The following CNTNAP5 variants were observed in gnomAD, a reference collection of about 807,000 sequenced individuals.
CNTNAP5 encodes the protein contactin associated protein family member 5.
Under a neutral mutation model 150.2 loss-of-function variants are expected in CNTNAP5, and 72 were observed. The ratio of observed to expected loss-of-function variants is 0.48; its 90% CI spans 0.40 to 0.58. The LOEUF (loss-of-function observed/expected upper bound fraction) is 0.58. Ranked by LOEUF, CNTNAP5 falls within the 20% of genes least tolerant of loss-of-function variation. CNTNAP5 has a pLI of 0.00. For synonymous variants in CNTNAP5, 672 were observed against 619.8 expected, an observed-to-expected ratio of 1.08 and a Z score of -1.25; for missense variants, 1,636 against 1,626.2, an observed-to-expected ratio of 1.01 and a Z score of -0.10.
chr2:124,449,451 T>C (rs1257682165), intron 6 of CNTNAP5, among the ~76,000 whole-genome samples: 1 of 152,182 alleles, frequency 6.6e-6, no homozygotes, highest in African/African-American at 2.4e-5. Context: ...CCCTTTAATG[T>C]CCCAGAAGAT....
chr2:124,060,417 C>T (rs554869861), intron 1 of CNTNAP5, among the ~76,000 whole-genome samples: 1 of 152,200 alleles, frequency 6.6e-6, no homozygotes, highest in Non-Finnish European at 1.5e-5. Context: ...TGCTCATGGG[C>T]AGCTCCTCTG....
At chr2:124,113,575 A>G (rs536725078) in intron 1 of CNTNAP5, among the ~76,000 whole-genome samples, 7 of 149,892 alleles carry the variant, frequency 4.7e-5, no homozygotes, top group Admixed American at 4.0e-4. Flanking sequence ...CCTGGATTGG[A>G]GCCCTAGTTC....
intron 3 of CNTNAP5, among the ~76,000 whole-genome samples, chr2:124,371,510 C>T (rs533027169): frequency 6.6e-6 from 1 of 152,190 alleles, no homozygotes; most frequent in South Asian, 2.1e-4. Context: ...TTAAATATCT[C>T]AAAAGAAACA....
chr2:124,917,402 T>A lies in CNTNAP5; in HGVS notation c.*3114T>A, dbSNP rs989281373. ...AATATATTTATCCTACTGCATCATT[T>A]ATTGCATATATAGCCTCAATTGCCA... On this transcript the variant is annotated 3_prime_UTR_variant, in exon 24 of 24. Coordinates refer to ENST00000682447, the MANE Select transcript of CNTNAP5 (RefSeq NM_001367498.1). Among the ~76,000 whole-genome samples, 1 of 152,150 alleles carries A rather than the reference T, an allele frequency of 6.6e-6. No individual in the cohort carries two copies. The highest frequency in any genetic ancestry group is 2.4e-5 in the African/African-American group (1 of 41,454).
At chr2:124,115,568 C>T (rs1573764402) in intron 1 of CNTNAP5, among the ~76,000 whole-genome samples, 1 of 151,646 alleles carries the variant, frequency 6.6e-6, no homozygotes, top group African/African-American at 2.4e-5. Context: ...TCAGATAGAC[C>T]TGGGTGTAAC....
chr2:124,476,908 C>T (rs920869812), intron 7 of CNTNAP5, among the ~76,000 whole-genome samples: 4 of 152,168 alleles, frequency 2.6e-5, no homozygotes, highest in Admixed American at 2.6e-4. Flanking sequence ...TTATCTGCAC[C>T]AGTTGGTCTC....
intron 8 of CNTNAP5, among the ~76,000 whole-genome samples, chr2:124,505,509 T>G (rs1205202084): frequency 6.6e-6 from 1 of 152,156 alleles, no homozygotes; most frequent in African/African-American, 2.4e-5. Context: ...CTAGTACATA[T>G]GACACCAGGG....
At position 124,763,528 on chromosome 2, in the gene CNTNAP5, C is replaced by T; in HGVS notation, c.2235-144C>T. On this transcript the variant is annotated intron_variant, in intron 14 of 23. Coordinates refer to ENST00000682447, the MANE Select transcript of CNTNAP5 (RefSeq NM_001367498.1). ...TTCCTTCCCTTCACATACACTTAGG[C>T]GATGAAAGGCCTTCTGTTTTCCCCC... 5 of 666,666 alleles carry T rather than the reference C, an allele frequency of 7.5e-6. No homozygotes were observed. In the South Asian group the frequency reaches 9.9e-5, roughly 13 times the overall value. The allele number at this position is 666,666 out of a possible 1,614,324, so 41.3% of individuals were successfully genotyped here.
chr2:124,494,204 C>T (rs73952996), intron 7 of CNTNAP5, among the ~76,000 whole-genome samples: 6,082 of 151,788 alleles, frequency 0.04, 146 homozygotes, highest in Non-Finnish European at 0.042. Context: ...ATGTTTATAG[C>T]GTGACTAACT....
At chr2:124,797,005 A>T (rs564207662) in intron 18 of CNTNAP5, among the ~76,000 whole-genome samples, 9 of 152,344 alleles carry the variant, frequency 5.9e-5, no homozygotes, top group Admixed American at 3.9e-4. Context: ...TATAAAGTCT[A>T]TTGGGATGGA....
intron 12 of CNTNAP5, among the ~76,000 whole-genome samples, chr2:124,623,559 G>A (rs948024923): frequency 6.6e-6 from 1 of 152,212 alleles, no homozygotes; most frequent in Admixed American, 6.5e-5. Context: ...TGTAAAAGGA[G>A]GGTGATGATG....
At chr2:124,612,402 T>C (rs753745845) in intron 12 of CNTNAP5, among the ~76,000 whole-genome samples, 6 of 152,098 alleles carry the variant, frequency 3.9e-5, no homozygotes, top group Non-Finnish European at 7.4e-5. Flanking sequence ...GAAATTAAGA[T>C]AAATATAGCT....
chr2:124,856,045 G>T (rs948063087), intron 19 of CNTNAP5, among the ~76,000 whole-genome samples: 1 of 150,858 alleles, frequency 6.6e-6, no homozygotes, highest in African/African-American at 2.4e-5. Context: ...CCATTTATTT[G>T]TTCCTTCTTA....
intron 19 of CNTNAP5, among the ~76,000 whole-genome samples, chr2:124,859,398 G>A (rs1236426482): frequency 2.6e-5 from 4 of 152,308 alleles, no homozygotes; most frequent in Middle Eastern, 3.4e-3. Flanking sequence ...TCATTAAAAA[G>A]TCAGGGAACA....
chr2:124,295,466 A>G (rs1369271241), intron 3 of CNTNAP5, among the ~76,000 whole-genome samples: 1 of 151,922 alleles, frequency 6.6e-6, no homozygotes, highest in Non-Finnish European at 1.5e-5. Context: ...GATTGTCCTT[A>G]TGGCAGTGGT....
In CNTNAP5 at chr2:124,350,585, C is replaced by T. The variant is rs181009838; in HGVS notation, c.382-66858C>T. ...TTCAGAAAAATTTAAAATCTACCCC[C>T]GCAAAAGCTTCAATATCTGAAGTTT... On this transcript the variant is annotated intron_variant, in intron 3 of 23. Coordinates refer to ENST00000682447, the MANE Select transcript of CNTNAP5 (RefSeq NM_001367498.1). Among the ~76,000 whole-genome samples the T allele has an allele frequency of 1.8e-3, 273 of 151,518 alleles. 1 individual carries two copies. The highest frequency in any genetic ancestry group is 2.6e-3 in the Non-Finnish European group (177 of 67,902).
intron 4 of CNTNAP5, among the ~76,000 whole-genome samples, chr2:124,426,324 T>G (rs2104786916): frequency 6.6e-6 from 1 of 152,330 alleles, no homozygotes; most frequent in African/African-American, 2.4e-5. Flanking sequence ...TAATCAGAGT[T>G]ACTGATAAGG....
At chr2:124,769,022 A>C (rs2104606799) in intron 16 of CNTNAP5, among the ~76,000 whole-genome samples, 1 of 152,288 alleles carries the variant, frequency 6.6e-6, no homozygotes, top group African/African-American at 2.4e-5. Flanking sequence ...TTAAGGCCTT[A>C]TGAATTATTT....
In CNTNAP5 at chr2:124,811,484, T is replaced by A. The variant is rs921872109; in HGVS notation, c.3217+13164T>A. ...TTTGTTAAAAGAAAATTAGTTTTTT[T>A]CCCTACCAATAAATATGTATAAATA... On this transcript the variant is annotated intron_variant, in intron 19 of 23. Transcript: ENST00000682447. 2.1e-4 allele frequency among the ~76,000 whole-genome samples: 32 copies of A among 152,144 alleles called. 1 individual carries two copies. The highest frequency in any genetic ancestry group is 4.4e-5 in the Non-Finnish European group (3 of 68,032).
Sources: gnomAD v4.1 joint callset for allele counts (sites outside exome capture counted in the v4.1 genomes callset) on GRCh38, gnomAD v4.1.1 for gene constraint, MANE v1.5 for transcripts, NCBI Gene and HGNC (gene_info 2026-07-23, HGNC 2026-07-21) for gene names.